The following ALKBH8 variants were observed in gnomAD, a reference collection of about 807,000 sequenced individuals.
ALKBH8 encodes the protein alkB homolog 8, tRNA methyltransferase, also known as tRNA (carboxymethyluridine(34)-5-O)-methyltransferase ALKBH8.
In ALKBH8, 36 loss-of-function variants were observed where a neutral mutation model predicts 59.8. That is an observed-to-expected ratio of 0.60 (90% CI 0.46 to 0.79). ALKBH8 has a LOEUF of 0.79. ALKBH8 is among the 30% of genes least tolerant of loss of function. ALKBH8 has a pLI of 0.00. For synonymous variants in ALKBH8, 276 were observed against 273.6 expected (o/e 1.01, Z -0.09); for missense variants, 768 against 801.0 (o/e 0.96, Z 0.50).
At chr11:107,553,311 G>A in intron 4 of ALKBH8, 108 bp from the exon 5 acceptor site, 1 of 606,512 alleles carries the variant, frequency 1.6e-6, no homozygotes, top group Non-Finnish European at 2.8e-6. Flanking sequence ...GGCAACTTCT[G>A]TTAATTGGTA....
intron 2 of ALKBH8, among the ~76,000 whole-genome samples, chr11:107,559,542 T>C (rs17107144): frequency 0.01 from 1,595 of 152,168 alleles, 34 homozygotes; most frequent in African/African-American, 0.036. Context: ...ATAAACCCTG[T>C]AAGGAAAGGA....
chr11:107,532,450 T>C (rs766408195), intron 7 of ALKBH8, 44 bp from the exon 8 acceptor site: 6 of 1,451,760 alleles, frequency 4.1e-6, no homozygotes, highest in East Asian at 4.6e-5. Flanking sequence ...CAAAATTTCA[T>C]ATACTCCAAG....
rs1360618685 is a variant in ALKBH8, at chr11:107,505,224, A to G, written c.1438-9T>C. The G allele has an allele frequency of 1.3e-6, 2 of 1,511,090 alleles. No individual in the cohort carries two copies. Among genetic ancestry groups the G allele is most frequent in the Admixed American group, 4.6e-5 (2 of 43,940 alleles). 93.6% of individuals were successfully genotyped at this position (1,511,090 alleles called of 1,614,324 possible). ...GCTGCCACTCTACGCTCCTAATGAAAAAAAACAAAACACATGATCAACCTG... is the reference window on the plus strand; with the variant it reads ...GCTGCCACTCTACGCTCCTAATGAAGAAAAACAAAACACATGATCAACCTG... On this transcript the variant is annotated splice_polypyrimidine_tract_variant and intron_variant, in intron 11 of 11. Coordinates refer to ENST00000428149, the MANE Select transcript of ALKBH8 (RefSeq NM_138775.3).
chr11:107,525,277 T>C (rs1863301361), intron 9 of ALKBH8, among the ~76,000 whole-genome samples, 164 bp downstream of exon 9: 1 of 152,140 alleles, frequency 6.6e-6, no homozygotes, highest in Admixed American at 6.5e-5. Flanking sequence ...TAAACTCTAA[T>C]GAGGGTCGTT....
chr11:107,550,496 A>G (rs1391891614), intron 6 of ALKBH8, among the ~76,000 whole-genome samples: 1 of 152,176 alleles, frequency 6.6e-6, no homozygotes, highest in East Asian at 1.9e-4. Context: ...ATGCTCCTTC[A>G]CATTTCATCC....
chr11:107,531,138 C>T (rs993232570), intron 8 of ALKBH8, among the ~76,000 whole-genome samples: 5 of 151,646 alleles, frequency 3.3e-5, no homozygotes, highest in Non-Finnish European at 7.4e-5. Flanking sequence ...TAAATTTAAG[C>T]CCCAGTGCAC....
intron 2 of ALKBH8, among the ~76,000 whole-genome samples, chr11:107,557,507 G>A (rs929634973): frequency 2.6e-5 from 4 of 152,094 alleles, no homozygotes; most frequent in African/African-American, 9.7e-5. Flanking sequence ...TTAGGGGTGG[G>A]TTTAAACCTA....
chr11:107,552,685 T>G (rs1259829375), intron 5 of ALKBH8, among the ~76,000 whole-genome samples: 2 of 152,210 alleles, frequency 1.3e-5, no homozygotes, highest in African/African-American at 4.8e-5. Flanking sequence ...ATTAACGTTT[T>G]TTAGTGAACA....
intron 10 of ALKBH8, among the ~76,000 whole-genome samples, chr11:107,519,357 G>A (rs776179803): frequency 5.3e-5 from 8 of 151,000 alleles, no homozygotes; most frequent in Non-Finnish European, 1.0e-4. Context: ...TGTCCACCTC[G>A]GCCTCCCAAA....
At chr11:107,514,615 T>C (rs950978054) in intron 10 of ALKBH8, among the ~76,000 whole-genome samples, 1 of 152,164 alleles carries the variant, frequency 6.6e-6, no homozygotes, top group Admixed American at 6.6e-5. Context: ...ATTATTTATT[T>C]TCATGCATAT....
intron 4 of ALKBH8, among the ~76,000 whole-genome samples, chr11:107,553,453 C>T (rs964294928): frequency 3.3e-5 from 5 of 152,104 alleles, no homozygotes; most frequent in African/African-American, 1.2e-4. Context: ...CCATTTACAA[C>T]ATTGCCAATG....
chr11:107,557,277 T>A (rs1246436037), intron 2 of ALKBH8, among the ~76,000 whole-genome samples: 2 of 152,148 alleles, frequency 1.3e-5, no homozygotes, highest in Non-Finnish European at 2.9e-5. Flanking sequence ...AAATGCAAAT[T>A]AAAACATGAC....
intron 2 of ALKBH8, among the ~76,000 whole-genome samples, chr11:107,559,272 A>G (rs1046572915): frequency 6.6e-6 from 1 of 152,230 alleles, no homozygotes; most frequent in Non-Finnish European, 1.5e-5. Context: ...CAGCATGACA[A>G]CAGACTAATA....
intron 6 of ALKBH8, 32 bp downstream of exon 6, chr11:107,551,776 G>T: frequency 7.3e-7 from 1 of 1,366,188 alleles, no homozygotes; most frequent in Non-Finnish European, 9.9e-7. Context: ...TCCAAAATAT[G>T]TGACTAAAAT....
At chr11:107,556,737 T>C (rs762325397) in intron 3 of ALKBH8, 29 bp downstream of exon 3, 10 of 1,302,610 alleles carry the variant, frequency 7.7e-6, no homozygotes, top group African/African-American at 3.0e-5. Flanking sequence ...AGAAGAATCA[T>C]TTTTTAAAAG....
intron 10 of ALKBH8, among the ~76,000 whole-genome samples, chr11:107,511,584 A>G (rs1862627929): frequency 6.6e-6 from 1 of 151,390 alleles, no homozygotes; most frequent in Non-Finnish European, 1.5e-5. Flanking sequence ...AATCAAAATA[A>G]TTTTTTTTTG....
At chr11:107,518,816 C>CTGTT (rs60082830) in intron 10 of ALKBH8, among the ~76,000 whole-genome samples, 145,480 of 152,098 alleles carry the variant, frequency 0.96, 69,752 homozygotes, top group African/African-American at 0.99. Flanking sequence ...GGGTAAATCT[C>CTGTT]TGGGGCTCTC....
At chr11:107,540,062 T>C (rs894771387) in intron 7 of ALKBH8, among the ~76,000 whole-genome samples, 8 of 152,220 alleles carry the variant, frequency 5.3e-5, no homozygotes, top group South Asian at 2.1e-4. Flanking sequence ...AAGGCACTTA[T>C]TTCTCATTGC....
chr11:107,549,218 C>A (rs932302926), intron 7 of ALKBH8, among the ~76,000 whole-genome samples: 1 of 152,144 alleles, frequency 6.6e-6, no homozygotes, highest in African/African-American at 2.4e-5. Context: ...GTAATATTTT[C>A]TTTTAGTGGC....
Sources: allele counts gnomAD v4.1 joint callset (sites outside exome capture counted in the v4.1 genomes callset), GRCh38; gene constraint gnomAD v4.1.1; transcripts MANE v1.5; gene names NCBI Gene and HGNC (gene_info 2026-07-23, HGNC 2026-07-21).